VPS37C: variants seen among roughly 807,000 people sequenced by gnomAD.
The protein encoded by VPS37C is VPS37C subunit of ESCRT-I.
In VPS37C, 9 loss-of-function variants were observed where a neutral mutation model predicts 16.1. The ratio of observed to expected loss-of-function variants is 0.56; its 90% CI spans 0.34 to 0.97. VPS37C has a LOEUF of 0.97. Among genes scored for constraint, VPS37C ranks in the 50% least tolerant of loss-of-function variants. The pLI, the probability that VPS37C is intolerant of heterozygous loss-of-function variation, is 0.02. For missense variants in VPS37C, 479 were observed against 472.7 expected (o/e 1.01, Z -0.12); for synonymous variants, 207 against 206.4 (o/e 1.00, Z -0.02).
At chr11:61,149,430 G>C (rs538311722) in intron 1 of VPS37C, among the ~76,000 whole-genome samples, 3 of 152,200 alleles carry the variant, frequency 2.0e-5, no homozygotes, top group Non-Finnish European at 2.9e-5. Flanking sequence ...TTGTAAAATG[G>C]GGCTAATACT....
intron 1 of VPS37C, among the ~76,000 whole-genome samples, chr11:61,140,738 T>C (rs1344735458): frequency 6.6e-6 from 1 of 152,238 alleles, no homozygotes; most frequent in Non-Finnish European, 1.5e-5. Context: ...TCTGAGTACA[T>C]GCAACGTCAG....
chr11:61,140,459 G>A (rs1041854314), intron 1 of VPS37C, among the ~76,000 whole-genome samples: 41 of 151,626 alleles, frequency 2.7e-4, no homozygotes, highest in East Asian at 9.8e-4. Context: ...ATACAGGGAC[G>A]AGACCAGTAT....
chr11:61,133,325 G>A lies in VPS37C; in HGVS notation c.278C>T (p.Ser93Leu), dbSNP rs987544683. The part of the protein sequence containing the change: ...EQKAKLEKFS[S>L]ALQPGTLLDL... ...TAACAAGGTCCCTGGCTGCAGTGCT[G>A]AAGAAAATTTCTCTGGAAGGGAGGG... Residue 93 changes from serine (S) to leucine (L), a missense_variant, in exon 4 of 5, where the codon TCA becomes TTA. Transcript: ENST00000301765. 6 of 1,613,998 alleles carry A rather than the reference G, an allele frequency of 3.7e-6. No individual in the cohort carries two copies. The Admixed American group carries it at 1.0e-4, about 27-fold the overall frequency.
At chr11:61,151,072 G>A (rs1853291297) in intron 1 of VPS37C, among the ~76,000 whole-genome samples, 1 of 152,178 alleles carries the variant, frequency 6.6e-6, no homozygotes, top group Non-Finnish European at 1.5e-5. Context: ...TCCCAGGGAG[G>A]AAACGCAGAG....
At chr11:61,142,274 C>G (rs1209134724) in intron 1 of VPS37C, among the ~76,000 whole-genome samples, 1 of 152,212 alleles carries the variant, frequency 6.6e-6, no homozygotes, top group African/African-American at 2.4e-5. Flanking sequence ...CTCTATCGCT[C>G]AGGCTAGAGT....
At chr11:61,153,793 G>C (rs1451418418) in intron 1 of VPS37C, among the ~76,000 whole-genome samples, 1 of 152,168 alleles carries the variant, frequency 6.6e-6, no homozygotes, top group African/African-American at 2.4e-5. Context: ...CAGAGTACCA[G>C]AGAGGAAAGG....
chr11:61,132,981 A>C, intron 4 of VPS37C: 2 of 563,944 alleles, frequency 3.5e-6, no homozygotes, highest in Non-Finnish European at 6.4e-6. Context: ...AGCTGGCCTC[A>C]GCCCCTGGGG....
chr11:61,143,181 G>A (rs1376012180), intron 1 of VPS37C, among the ~76,000 whole-genome samples: 7 of 151,510 alleles, frequency 4.6e-5, no homozygotes, highest in South Asian at 2.1e-4. Flanking sequence ...GACAGTGGGC[G>A]TCAATATCAC....
At chr11:61,157,233 T>G (rs185900680) in intron 1 of VPS37C, among the ~76,000 whole-genome samples, 99 of 152,362 alleles carry the variant, frequency 6.5e-4, no homozygotes, top group African/African-American at 2.1e-3. Context: ...GTGTCTGCTT[T>G]CCCTTATTTT....
chr11:61,155,777 T>A (rs1853367326), intron 1 of VPS37C, among the ~76,000 whole-genome samples: 1 of 152,028 alleles, frequency 6.6e-6, no homozygotes, highest in East Asian at 1.9e-4. Flanking sequence ...GAAATGTGGA[T>A]CTACATGAAG....
Position 61,133,296 on chromosome 11 carries a change from G to A in VPS37C, c.307C>T (p.Leu103Phe). Residue 103 changes from leucine (L) to phenylalanine (F), a missense_variant, in exon 4 of 5, where the codon CTT becomes TTT. Physicochemically the swap from Leu to Phe is conservative, Grantham distance 22. Coordinates refer to ENST00000301765, the MANE Select transcript of VPS37C (RefSeq NM_017966.5). Reference protein sequence around the residue: ...SALQPGTLLDLLQVEGMKIEE... With the variant: ...SALQPGTLLDFLQVEGMKIEE... ...ATCTTCATGCCTTCCACCTGCAGAAGGTCTAACAAGGTCCCTGGCTGCAGT... is the reference window on the plus strand; with the variant it reads ...ATCTTCATGCCTTCCACCTGCAGAAAGTCTAACAAGGTCCCTGGCTGCAGT... 3.1e-6 allele frequency: 5 copies of A among 1,614,180 alleles called. No homozygotes were observed. The highest frequency in any genetic ancestry group is 4.2e-6 in the Non-Finnish European group (5 of 1,180,028).
At chr11:61,146,425 T>C (rs1853207397) in intron 1 of VPS37C, among the ~76,000 whole-genome samples, 1 of 152,192 alleles carries the variant, frequency 6.6e-6, no homozygotes, top group Non-Finnish European at 1.5e-5. Context: ...TGAATACAGA[T>C]GAGAGCAGCG....
At chr11:61,143,205 G>A (rs193119372) in intron 1 of VPS37C, among the ~76,000 whole-genome samples, 1 of 151,850 alleles carries the variant, frequency 6.6e-6, no homozygotes, top group East Asian at 1.9e-4. Flanking sequence ...CACCTCACAG[G>A]GGAGGCTGGG....
At chr11:61,154,573 G>C (rs530686482) in intron 1 of VPS37C, among the ~76,000 whole-genome samples, 1 of 151,986 alleles carries the variant, frequency 6.6e-6, no homozygotes, top group Non-Finnish European at 1.5e-5. Context: ...AATGATCAGA[G>C]AGCTATGGAG....
chr11:61,158,826 T>C (rs1313632503), intron 1 of VPS37C, among the ~76,000 whole-genome samples: 1 of 152,146 alleles, frequency 6.6e-6, no homozygotes, highest in East Asian at 1.9e-4. Context: ...TAAAGGAAGA[T>C]AAAGAGGTGA....
At chr11:61,143,665 C>CA (rs1565194116) in intron 1 of VPS37C, 2 of 141,384 alleles carry the variant, frequency 1.4e-5, no homozygotes, top group Non-Finnish European at 3.1e-5. Flanking sequence ...CCAGCCAATT[C>CA]TTTTTTTTTT....
rs934501557 is a variant in VPS37C, at chr11:61,132,474, G to A, written c.414C>T (p.Ser138=). ...GGCGCAGGTGGGACAGCATCCTCAT[G>A]GAGGAAAAATTCTCCAGGAACGTTT... ...PLETFLENFS[S]MRMLSHLRRV... is the part of the protein sequence containing the mutation. Residue 138 remains serine (S), a synonymous_variant, in exon 5 of 5, where the codon TCC becomes TCT. Transcript: ENST00000301765. 6.8e-6 allele frequency: 11 copies of A among 1,612,380 alleles called. No homozygotes were observed. The highest frequency in any genetic ancestry group is 9.3e-6 in the Non-Finnish European group (11 of 1,179,428).
rs752909352 is a variant in VPS37C at position 61,138,750 on chromosome 11, AGG to A, written c.78_79del (p.Leu27GlyfsTer4). The A allele has an allele frequency of 6.2e-7, 1 of 1,614,094 alleles. No homozygotes were observed. Among genetic ancestry groups the A allele is most frequent in the East Asian group, 2.2e-5 (1 of 44,882 alleles). On this transcript the variant is annotated frameshift_variant, in exon 2 of 5. Coordinates refer to ENST00000301765, the MANE Select transcript of VPS37C (RefSeq NM_017966.5). LOFTEE classifies it high-confidence loss of function. ...GCCTCCCTCTACCTCAGGGGACTCC[AGG>A]GCCAGCTGGTCAATCGCCTCCGAGT... is the stretch of plus-strand genomic sequence containing the variant.
At chr11:61,140,774 C>T (rs1861460681) in intron 1 of VPS37C, among the ~76,000 whole-genome samples, 1 of 152,214 alleles carries the variant, frequency 6.6e-6, no homozygotes, top group Admixed American at 6.5e-5. Context: ...TCTCCCCTTA[C>T]AAGGAGAGGT....
Sources: allele counts gnomAD v4.1 joint callset (sites outside exome capture counted in the v4.1 genomes callset), GRCh38; gene constraint gnomAD v4.1.1; transcripts MANE v1.5; gene names NCBI Gene and HGNC (gene_info 2026-07-23, HGNC 2026-07-21).